PTPRN2: variants seen among roughly 807,000 people sequenced by gnomAD.
The protein encoded by PTPRN2 is protein tyrosine phosphatase receptor type N2.
In PTPRN2, 74 loss-of-function variants were observed where a neutral mutation model predicts 118.8. The ratio of observed to expected loss-of-function variants is 0.62; its 90% CI spans 0.52 to 0.76. The LOEUF (loss-of-function observed/expected upper bound fraction) is 0.76. Among genes scored for constraint, PTPRN2 ranks in the 30% least tolerant of loss-of-function variants. The pLI, the probability that PTPRN2 is intolerant of heterozygous loss-of-function variation, is 0.00. For missense variants in PTPRN2, 1,481 were observed against 1,394.4 expected, an observed-to-expected ratio of 1.06 and a Z score of -0.99; for synonymous variants, 641 against 608.0, an observed-to-expected ratio of 1.05 and a Z score of -0.80.
chr7:158,052,602 G>C (rs981321205), intron 11 of PTPRN2, among the ~76,000 whole-genome samples: 1 of 151,660 alleles, frequency 6.6e-6, no homozygotes, highest in Admixed American at 6.6e-5. Flanking sequence ...AGAGGGTAGA[G>C]GGGTGCGGCC....
At chr7:158,302,624 C>CA (rs1440520221) in intron 3 of PTPRN2, among the ~76,000 whole-genome samples, 2 of 152,232 alleles carry the variant, frequency 1.3e-5, no homozygotes. Context: ...GATAAACAAC[C>CA]AAAACAGGGC....
rs757479418 is a variant in PTPRN2 at position 157,833,096 on chromosome 7, G to A, written c.1788+65577C>T. On this transcript the variant is annotated intron_variant, in intron 12 of 22. Coordinates refer to ENST00000389418, the MANE Select transcript of PTPRN2 (RefSeq NM_002847.5). The stretch of plus-strand genomic sequence containing the variant: ...CCGGTGCCCATCCATCCTGTATGAC[G>A]GTGAACTTGTCCAGGAGCGAGATGT... Among the ~76,000 whole-genome samples the A allele has an allele frequency of 7.3e-5, 11 of 151,156 alleles. 1 individual carries two copies. Among genetic ancestry groups the A allele is most frequent in the South Asian group, 4.2e-4 (2 of 4,756 alleles).
intron 11 of PTPRN2, among the ~76,000 whole-genome samples, chr7:157,989,894 C>T (rs1804112881): frequency 1.3e-5 from 2 of 152,096 alleles, no homozygotes; most frequent in African/African-American, 4.8e-5. Flanking sequence ...CGCATCCCAC[C>T]CCGCCCTGCC....
intron 3 of PTPRN2, among the ~76,000 whole-genome samples, chr7:158,298,029 G>A (rs1800619067): frequency 6.6e-6 from 1 of 152,110 alleles, no homozygotes. Flanking sequence ...GTCATTAGTA[G>A]TGTTTTCCTA....
intron 17 of PTPRN2, among the ~76,000 whole-genome samples, chr7:157,582,972 G>A (rs1800477938): frequency 1.3e-5 from 2 of 151,964 alleles, no homozygotes; most frequent in Admixed American, 1.3e-4. Context: ...CCCACTTCTG[G>A]GTATAGACCC....
intron 11 of PTPRN2, among the ~76,000 whole-genome samples, chr7:158,056,782 C>T (rs946702085): frequency 6.6e-6 from 1 of 152,224 alleles, no homozygotes; most frequent in Non-Finnish European, 1.5e-5. Context: ...GGCAGTGCCT[C>T]TCATTGACCC....
intron 5 of PTPRN2, among the ~76,000 whole-genome samples, chr7:158,187,521 G>A (rs1262081703): frequency 6.6e-6 from 1 of 152,060 alleles, no homozygotes; most frequent in African/African-American, 2.4e-5. Flanking sequence ...GCAGCCTCTG[G>A]TCACGCACTT....
At chr7:158,535,081 C>A (rs1215830355) in intron 1 of PTPRN2, among the ~76,000 whole-genome samples, 1 of 152,196 alleles carries the variant, frequency 6.6e-6, no homozygotes, top group African/African-American at 2.4e-5. Context: ...GATCTCCCAG[C>A]CTGGGAATGT....
At chr7:158,277,657 A>ACG (rs1799113060) in intron 3 of PTPRN2, among the ~76,000 whole-genome samples, 1 of 152,160 alleles carries the variant, frequency 6.6e-6, no homozygotes, top group African/African-American at 2.4e-5. Context: ...GCTGGGACAT[A>ACG]TAGCTCTGGC....
chr7:158,262,543 T>G (rs1363949151), intron 3 of PTPRN2, among the ~76,000 whole-genome samples: 1 of 110,126 alleles, frequency 9.1e-6, no homozygotes, highest in Non-Finnish European at 1.9e-5. Flanking sequence ...ATACACACAT[T>G]CACACACTGC....
chr7:158,334,582 C>A (rs1313592891), intron 2 of PTPRN2, among the ~76,000 whole-genome samples: 3 of 106,150 alleles, frequency 2.8e-5, no homozygotes, highest in Admixed American at 9.4e-5. Flanking sequence ...CCACAGAGGT[C>A]ACTCACACCC....
chr7:158,461,191 A>G (rs1733156), intron 2 of PTPRN2, among the ~76,000 whole-genome samples: 83,805 of 152,064 alleles, frequency 0.55, 23,315 homozygotes, highest in African/African-American at 0.56. Context: ...GGTTCTATGA[A>G]CAATAAAATC....
intron 2 of PTPRN2, among the ~76,000 whole-genome samples, chr7:158,393,184 G>A (rs193264918): frequency 4.6e-5 from 7 of 152,276 alleles, no homozygotes; most frequent in East Asian, 1.9e-4. Flanking sequence ...TGGTCACAGC[G>A]CCTCCAACGC....
rs567320009 is a variant in PTPRN2 at position 157,903,999 on chromosome 7, C to T, written c.1724-5262G>A. On this transcript the variant is annotated intron_variant, in intron 11 of 22. Transcript: ENST00000389418. This position sits in a 1 kb window ranked among gnomAD's most constrained non-coding sequence, Gnocchi z 4.2. ...GCTGTTTTGCTGCATGTCTCATGGC[C>T]GGGCCACTGTCACTTCCTAAGGAGA... Among the ~76,000 whole-genome samples, 4 of 152,218 alleles carry T rather than the reference C, an allele frequency of 2.6e-5. No individual in the cohort carries two copies. The highest frequency in any genetic ancestry group is 1.9e-4 in the East Asian group (1 of 5,168).
rs76701063 is a variant in PTPRN2, at chr7:158,573,987, T to C, written c.112+13571A>G. On this transcript the variant is annotated intron_variant, in intron 1 of 22. Transcript: ENST00000389418. ...AGATTCTTAGAAAGGAATCGTGGATTGTTAATAAGACAAATACAAGAAAAT... is the reference window on the plus strand; with the variant it reads ...AGATTCTTAGAAAGGAATCGTGGATCGTTAATAAGACAAATACAAGAAAAT... Among the ~76,000 whole-genome samples the C allele has an allele frequency of 3.9e-3, 591 of 152,336 alleles. 4 individuals carry two copies. Among genetic ancestry groups the C allele is most frequent in the African/African-American group, 0.014 (576 of 41,588 alleles).
At chr7:157,710,443 C>T (rs1034428586) in intron 12 of PTPRN2, among the ~76,000 whole-genome samples, 2 of 152,074 alleles carry the variant, frequency 1.3e-5, no homozygotes, top group African/African-American at 4.8e-5. Flanking sequence ...CCCATCTCTA[C>T]AAACAATAAA....
At chr7:158,454,939 A>C (rs1419329158) in intron 2 of PTPRN2, among the ~76,000 whole-genome samples, 1 of 152,142 alleles carries the variant, frequency 6.6e-6, no homozygotes. Flanking sequence ...GCCCCTCGAA[A>C]TGTGTTTGTC....
intron 12 of PTPRN2, among the ~76,000 whole-genome samples, chr7:157,762,543 A>T (rs11983972): frequency 0.1 from 14,284 of 141,120 alleles, 1,303 homozygotes; most frequent in East Asian, 0.23. Context: ...GAATTGAACA[A>T]TGAGATCACA....
At chr7:158,334,299 C>T (rs62480921) in intron 2 of PTPRN2, among the ~76,000 whole-genome samples, 1 of 2,738 alleles carries the variant, frequency 3.7e-4, no homozygotes, top group Non-Finnish European at 6.7e-4. Flanking sequence ...ACCATAAGAG[C>T]TGACACCTGC....
Sources: allele counts gnomAD v4.1 joint callset (sites outside exome capture counted in the v4.1 genomes callset), GRCh38; gene constraint gnomAD v4.1.1; non-coding constraint Gnocchi (gnomAD v3.1); transcripts MANE v1.5; gene names NCBI Gene and HGNC (gene_info 2026-07-23, HGNC 2026-07-21).